PTPRM: variants seen among roughly 807,000 people sequenced by gnomAD.
PTPRM encodes the protein protein tyrosine phosphatase receptor type M, also known as receptor-type tyrosine-protein phosphatase mu.
In PTPRM, 47 loss-of-function variants were observed where a neutral mutation model predicts 186.7. The ratio of observed to expected loss-of-function variants is 0.25; its 90% CI spans 0.20 to 0.32. The LOEUF (loss-of-function observed/expected upper bound fraction) is 0.32, where lower values mean the gene tolerates loss of function less well. Among genes scored for constraint, PTPRM ranks in the 10% least tolerant of loss-of-function variants. PTPRM has a pLI of 1.00. For synonymous variants in PTPRM, 668 were observed against 674.9 expected, an observed-to-expected ratio of 0.99 and a Z score of 0.16; for missense variants, 1,494 against 1,865.0, an observed-to-expected ratio of 0.80 and a Z score of 3.66.
chr18:8,165,133 C>T (rs990975137), intron 14 of PTPRM, among the ~76,000 whole-genome samples: 1 of 148,750 alleles, frequency 6.7e-6, no homozygotes, highest in Admixed American at 6.7e-5. Flanking sequence ...CACGCCACTG[C>T]ACTCCTGCGT....
intron 2 of PTPRM, among the ~76,000 whole-genome samples, chr18:7,819,773 A>G (rs915884921): frequency 6.6e-6 from 1 of 152,186 alleles, no homozygotes; most frequent in African/African-American, 2.4e-5. Context: ...AGAACCCCAC[A>G]GCCTGTCTGT....
At chr18:7,784,074 C>G (rs934082891) in intron 2 of PTPRM, among the ~76,000 whole-genome samples, 5 of 152,040 alleles carry the variant, frequency 3.3e-5, no homozygotes, top group Non-Finnish European at 7.4e-5. Flanking sequence ...TGACCTAGGG[C>G]ACTGCTTCAC....
At chr18:8,101,306 A>T (rs1258030259) in intron 11 of PTPRM, among the ~76,000 whole-genome samples, 1 of 152,232 alleles carries the variant, frequency 6.6e-6, no homozygotes, top group Non-Finnish European at 1.5e-5. Flanking sequence ...AGCAGTCAGG[A>T]CAGCATCAAA....
chr18:7,628,817 C>G (rs1336338425), intron 1 of PTPRM, among the ~76,000 whole-genome samples: 1 of 152,196 alleles, frequency 6.6e-6, no homozygotes, highest in African/African-American at 2.4e-5. Context: ...TTCTATGGAA[C>G]AGGCACTGTG....
At chr18:8,151,859 T>G (rs183370803) in intron 14 of PTPRM, among the ~76,000 whole-genome samples, 1 of 151,868 alleles carries the variant, frequency 6.6e-6, no homozygotes, top group Non-Finnish European at 1.5e-5. Context: ...TGAGCTGGAG[T>G]GCAGGGTTCC....
chr18:7,655,179 G>A (rs1244244047), intron 1 of PTPRM, among the ~76,000 whole-genome samples: 1 of 152,014 alleles, frequency 6.6e-6, no homozygotes, highest in Non-Finnish European at 1.5e-5. Context: ...TTTGTTAGCT[G>A]TATTCCTAGT....
intron 2 of PTPRM, among the ~76,000 whole-genome samples, chr18:7,777,290 T>G (rs1477911004): frequency 6.6e-6 from 1 of 152,204 alleles, no homozygotes; most frequent in Non-Finnish European, 1.5e-5. Context: ...TGCTAGTTTT[T>G]GTGTGGCTTG....
intron 1 of PTPRM, among the ~76,000 whole-genome samples, chr18:7,701,009 AAAC>A (rs1479328278): frequency 6.6e-6 from 1 of 150,584 alleles, no homozygotes; most frequent in African/African-American, 2.4e-5. Context: ...AAGAAAAAGA[AAAC>A]AAGAAAAAAA....
intron 19 of PTPRM, among the ~76,000 whole-genome samples, chr18:8,270,937 G>A (rs374969737): frequency 6.6e-6 from 1 of 152,034 alleles, no homozygotes; most frequent in East Asian, 1.9e-4. Context: ...GTACAGCATG[G>A]TGACTGTAGT....
chr18:8,042,362 A>G (rs2086748558), intron 7 of PTPRM, among the ~76,000 whole-genome samples: 1 of 152,224 alleles, frequency 6.6e-6, no homozygotes, highest in Admixed American at 6.5e-5. Context: ...CGTATTGTAA[A>G]ATAATATATT....
intron 2 of PTPRM, among the ~76,000 whole-genome samples, chr18:7,800,950 A>G (rs2043930877): frequency 6.6e-6 from 1 of 152,112 alleles, no homozygotes; most frequent in Non-Finnish European, 1.5e-5. Flanking sequence ...TAAAAACGGC[A>G]CAGCTGTATA....
At chr18:7,852,420 AT>A (rs556062652) in intron 2 of PTPRM, among the ~76,000 whole-genome samples, 231 of 151,934 alleles carry the variant, frequency 1.5e-3, no homozygotes, top group African/African-American at 5.3e-3. Context: ...CTACAAAAAA[AT>A]TTTTTTTAGA....
chr18:8,112,471 C>T (rs757418102), intron 11 of PTPRM, among the ~76,000 whole-genome samples: 1 of 152,168 alleles, frequency 6.6e-6, no homozygotes, highest in African/African-American at 2.4e-5. Flanking sequence ...GCTCTTGGTT[C>T]CTGGGAATTC....
chr18:7,853,329 G>A (rs1378673321), intron 2 of PTPRM, among the ~76,000 whole-genome samples: 2 of 152,212 alleles, frequency 1.3e-5, no homozygotes, highest in Admixed American at 6.5e-5. Flanking sequence ...GTAGGGCTCA[G>A]CTTGAAGTAG....
intron 11 of PTPRM, among the ~76,000 whole-genome samples, chr18:8,113,210 A>G (rs995521424): frequency 1.3e-5 from 2 of 152,254 alleles, no homozygotes; most frequent in African/African-American, 2.4e-5. Flanking sequence ...AACAGTAGAG[A>G]TTATCATATT....
intron 13 of PTPRM, among the ~76,000 whole-genome samples, chr18:8,119,521 G>A (rs2145790945): frequency 6.6e-6 from 1 of 152,226 alleles, no homozygotes; most frequent in Admixed American, 6.5e-5. Flanking sequence ...TTTGGATTTT[G>A]AAATAGGAAC....
At chr18:7,899,105 C>T (rs1269388264) in intron 3 of PTPRM, among the ~76,000 whole-genome samples, 3 of 152,186 alleles carry the variant, frequency 2.0e-5, no homozygotes, top group African/African-American at 7.2e-5. Flanking sequence ...TCTTAGCGTC[C>T]TTGCACTCTC....
Position 8,264,198 on chromosome 18 carries a change from G to C in PTPRM, c.2754+10784G>C, listed in dbSNP as rs1163299359. ...GTTCTGTGCTGGGCTGAATGTGTGA[G>C]AGGAGAAAAAGCACTTTGGCTTTTC... On this transcript the variant is annotated intron_variant, in intron 19 of 32. Transcript: ENST00000580170. Among the ~76,000 whole-genome samples the C allele has an allele frequency of 2.6e-5, 4 of 152,198 alleles. No individual in the cohort carries two copies. The East Asian group carries it at 5.8e-4, about 22-fold the overall frequency.
At chr18:7,888,514 C>A in intron 3 of PTPRM, 137 bp downstream of exon 3, 1 of 999,546 alleles carries the variant, frequency 1.0e-6, no homozygotes, top group Non-Finnish European at 1.4e-6. Flanking sequence ...GAACTCTCAT[C>A]CTATACTGTT....
Sources: gnomAD v4.1 joint callset for allele counts (sites outside exome capture counted in the v4.1 genomes callset) on GRCh38, gnomAD v4.1.1 for gene constraint, MANE v1.5 for transcripts, NCBI Gene and HGNC (gene_info 2026-07-23, HGNC 2026-07-21) for gene names.